The following PDGFRL variants were observed in gnomAD, a reference collection of about 807,000 sequenced individuals.
PDGFRL encodes platelet-derived growth factor receptor-like protein.
A neutral mutation model predicts 37.2 loss-of-function variants in PDGFRL; 46 were observed. The observed-to-expected ratio is 1.24, with a 90% CI of 0.98 to 1.58. PDGFRL has a LOEUF of 1.58. Ranked by LOEUF, PDGFRL falls within the 40% of genes most tolerant of loss-of-function variation. The pLI, the probability that PDGFRL is intolerant of heterozygous loss-of-function variation, is 0.00. For missense variants in PDGFRL, 692 were observed against 467.6 expected (o/e 1.48, Z -4.43); for synonymous variants, 251 against 184.3 (o/e 1.36, Z -2.93).
chr8:17,591,405 CAG>C (rs1007718003), intron 2 of PDGFRL, among the ~76,000 whole-genome samples: 5 of 152,150 alleles, frequency 3.3e-5, no homozygotes, highest in African/African-American at 1.2e-4. Context: ...GGCTCTGCGT[CAG>C]GGGGTGTGTA....
intron 1 of PDGFRL, among the ~76,000 whole-genome samples, chr8:17,583,289 C>A (rs1428078546): frequency 6.6e-6 from 1 of 152,130 alleles, no homozygotes; most frequent in Non-Finnish European, 1.5e-5. Flanking sequence ...AATTAGAGAG[C>A]CACCAGCAGT....
At chr8:17,606,890 T>G (rs1206118743) in intron 2 of PDGFRL, among the ~76,000 whole-genome samples, 35 of 12,542 alleles carry the variant, frequency 2.8e-3, no homozygotes, top group African/African-American at 4.4e-3. Context: ...TTTTTTGTTT[T>G]TTTGTTTTTT....
In PDGFRL at chr8:17,634,159, C is replaced by A. The variant is rs1804920906; in HGVS notation, c.885C>A (p.Val295=). The A allele has an allele frequency of 6.2e-7, 1 of 1,613,058 alleles. No individual in the cohort carries two copies. The highest frequency in any genetic ancestry group is 8.5e-7 in the Non-Finnish European group (1 of 1,179,134). The change falls in exon 5 of 6, where the codon GTC becomes GTA. Residue 295 remains valine, a synonymous_variant. Coordinates refer to ENST00000251630, the MANE Select transcript of PDGFRL (RefSeq NM_001372073.1). The stretch of plus-strand genomic sequence containing the variant: ...ACGACATCAGTGTGCTCTGCACTGT[C>A]CTGGGGGAGCCCGATGTGGAGGTGG... The part of the protein sequence containing the change: ...SGDDISVLCT[V]LGEPDVEVEF...
upstream of PDGFRL, among the ~76,000 whole-genome samples, chr8:17,576,932 C>G (rs1447183378): frequency 6.6e-6 from 1 of 152,104 alleles, no homozygotes. Context: ...AACTTGATAA[C>G]CTTGGTGAAA....
At chr8:17,632,458 A>G (rs747458766) in intron 4 of PDGFRL, among the ~76,000 whole-genome samples, 1 of 151,744 alleles carries the variant, frequency 6.6e-6, no homozygotes, top group East Asian at 1.9e-4. Flanking sequence ...CTCCTGTCTC[A>G]GGCTCAGTAT....
intron 2 of PDGFRL, among the ~76,000 whole-genome samples, chr8:17,607,776 A>T (rs1057402934): frequency 2.6e-5 from 4 of 152,216 alleles, no homozygotes; most frequent in African/African-American, 9.6e-5. Context: ...AATATAGAAG[A>T]TGTAAATAAA....
In PDGFRL at chr8:17,624,251, C is replaced by T. The variant is rs1222521363; in HGVS notation, c.505+3049C>T. Among the ~76,000 whole-genome samples the T allele has an allele frequency of 3.3e-5, 5 of 152,138 alleles. No homozygotes were observed. In the East Asian group the frequency reaches 9.6e-4, roughly 29 times the overall value. ...GCTACCCATGTGGAGAAATGTTTGT[C>T]ATTCATTATGTTTGTATGTTTCCTA... On this transcript the variant is annotated intron_variant, in intron 3 of 5. Coordinates refer to ENST00000251630, the MANE Select transcript of PDGFRL (RefSeq NM_001372073.1).
In PDGFRL at chr8:17,621,104, C is replaced by G; in HGVS notation, c.407C>G (p.Ala136Gly). ...TTGACTCTGGTCAACTCCACCTCGGCAGACACAGGTGAATTCAGCTGCTGG... is the reference window on the plus strand; with the variant it reads ...TTGACTCTGGTCAACTCCACCTCGGGAGACACAGGTGAATTCAGCTGCTGG... ...GQLTLVNSTS[A>G]DTGEFSCWVQ... is the part of the protein sequence containing the mutation. Residue 136 changes from alanine (A) to glycine (G), a missense_variant, in exon 3 of 6, where the codon GCA becomes GGA. Transcript: ENST00000251630. The G allele has an allele frequency of 6.2e-7, 1 of 1,611,744 alleles. No homozygotes were observed. The highest frequency in any genetic ancestry group is 1.1e-5 in the South Asian group (1 of 90,870).
Position 17,621,035 on chromosome 8 carries a change from T to G in PDGFRL, c.354-16T>G, listed in dbSNP as rs201083785. The G allele has an allele frequency of 5.2e-3, 8,122 of 1,575,804 alleles. 22 individuals are homozygous for G. Among genetic ancestry groups the G allele is most frequent in the Non-Finnish European group, 6.3e-3 (7,260 of 1,153,754 alleles). The stretch of plus-strand genomic sequence containing the variant: ...AGGTCTGACTTGCTTTGAGTTCATG[T>G]GTCTTTTATTCCTAGCGTCAAGCAG... On this transcript the variant is annotated splice_polypyrimidine_tract_variant and intron_variant, in intron 2 of 5. Transcript: ENST00000251630.
chr8:17,598,980 A>G (rs1292829012), intron 2 of PDGFRL, among the ~76,000 whole-genome samples: 2 of 152,162 alleles, frequency 1.3e-5, no homozygotes, highest in Non-Finnish European at 2.9e-5. Context: ...TCTTTCCTTT[A>G]TACATTACTC....
chr8:17,635,535 C>T (rs1158901637), intron 5 of PDGFRL, among the ~76,000 whole-genome samples: 1 of 152,152 alleles, frequency 6.6e-6, no homozygotes, highest in East Asian at 1.9e-4. Flanking sequence ...GATTGATGGG[C>T]ATTTGAGCTG....
intron 2 of PDGFRL, among the ~76,000 whole-genome samples, chr8:17,605,492 T>C (rs2237822): frequency 0.034 from 5,163 of 152,300 alleles, 115 homozygotes; most frequent in East Asian, 0.12. Context: ...ACACATTTTG[T>C]TTCTTGAATC....
intron 2 of PDGFRL, among the ~76,000 whole-genome samples, chr8:17,606,365 G>C (rs1804276930): frequency 6.6e-6 from 1 of 152,158 alleles, no homozygotes; most frequent in African/African-American, 2.4e-5. Context: ...CAGAACAAAT[G>C]AAGATGAGGA....
In PDGFRL at chr8:17,609,381, C is replaced by T. The variant is rs561379015; in HGVS notation, c.354-11670C>T. 4.0e-5 allele frequency among the ~76,000 whole-genome samples: 6 copies of T among 151,884 alleles called. No homozygotes were observed. In the South Asian group the frequency reaches 1.3e-3, roughly 32 times the overall value. ...ATTTAGCCAGGTGTGGTAGTGGGCA[C>T]CTGTAGTCCCAGTTACTTGGGAGGC... On this transcript the variant is annotated intron_variant, in intron 2 of 5. Coordinates refer to ENST00000251630, the MANE Select transcript of PDGFRL (RefSeq NM_001372073.1).
chr8:17,579,619 T>A (rs181375891), intron 1 of PDGFRL, among the ~76,000 whole-genome samples: 39 of 151,538 alleles, frequency 2.6e-4, no homozygotes, highest in African/African-American at 9.0e-4. Flanking sequence ...CCAGGTGGAG[T>A]GCAGTGGCAC....
intron 5 of PDGFRL, among the ~76,000 whole-genome samples, chr8:17,636,727 T>C (rs10113347): frequency 0.031 from 4,793 of 152,244 alleles, 279 homozygotes; most frequent in African/African-American, 0.11. Flanking sequence ...TTTCACAATA[T>C]TGATTCTACC....
intron 5 of PDGFRL, among the ~76,000 whole-genome samples, chr8:17,639,959 G>C (rs183736031): frequency 2.1e-4 from 32 of 152,230 alleles, no homozygotes; most frequent in Non-Finnish European, 2.8e-4. Flanking sequence ...CATCTTGGAG[G>C]CTTTGTTCAT....
At chr8:17,637,849 A>C (rs1805003352) in intron 5 of PDGFRL, among the ~76,000 whole-genome samples, 1 of 151,950 alleles carries the variant, frequency 6.6e-6, no homozygotes, top group Admixed American at 6.6e-5. Context: ...TTCTAGCTTG[A>C]GTATGTAAAG....
At chr8:17,624,170 C>G (rs760467992) in intron 3 of PDGFRL, among the ~76,000 whole-genome samples, 2 of 152,162 alleles carry the variant, frequency 1.3e-5, no homozygotes, top group African/African-American at 4.8e-5. Flanking sequence ...TGGGCTGTTA[C>G]AGAAGCTGAG....
Sources: allele counts gnomAD v4.1 joint callset (sites outside exome capture counted in the v4.1 genomes callset), GRCh38; gene constraint gnomAD v4.1.1; transcripts MANE v1.5; gene names NCBI Gene and HGNC (gene_info 2026-07-23, HGNC 2026-07-21).